The following SCN7A variants were observed in gnomAD, a reference collection of about 807,000 sequenced individuals.
SCN7A encodes sodium voltage-gated channel alpha subunit 7, also known as sodium channel protein type 7 subunit alpha.
Under a neutral mutation model 155.2 loss-of-function variants are expected in SCN7A, and 138 were observed. The observed-to-expected ratio is 0.89, with a 90% CI of 0.77 to 1.02. The LOEUF (loss-of-function observed/expected upper bound fraction) is 1.02. Ranked by LOEUF, SCN7A falls within the 50% of genes least tolerant of loss-of-function variation. SCN7A has a pLI of 0.00. For missense variants in SCN7A, 2,058 were observed against 1,986.6 expected (o/e 1.04, Z -0.68); for synonymous variants, 693 against 649.0 (o/e 1.07, Z -1.03).
At chr2:166,423,150 TAGAG>T in intron 19 of SCN7A, 105 bp downstream of exon 19, 1 of 1,057,872 alleles carries the variant, frequency 9.5e-7, no homozygotes, top group Non-Finnish European at 1.4e-6. Flanking sequence ...ACCAACAATG[TAGAG>T]AGAGAGGGAA....
At chr2:166,429,504 T>A (rs1240612164) in intron 16 of SCN7A, among the ~76,000 whole-genome samples, 1 of 152,056 alleles carries the variant, frequency 6.6e-6, no homozygotes, top group African/African-American at 2.4e-5. Flanking sequence ...AAAATAACAT[T>A]TAGATTAAAA....
At position 166,474,328 on chromosome 2, in the gene SCN7A, T is replaced by C. The variant is rs1372972139; in HGVS notation, c.251A>G (p.Asn84Ser). 2 of 1,485,310 alleles carry C rather than the reference T, an allele frequency of 1.3e-6. No homozygotes were observed. Among genetic ancestry groups the C allele is most frequent in the Non-Finnish European group, 1.8e-6 (2 of 1,096,980 alleles). The allele number at this position is 1,485,310 out of a possible 1,614,324, so 92.0% of individuals were successfully genotyped here. A position where few individuals can be genotyped will look rare whatever the true frequency, so the allele number is the denominator to read the frequency against. Residue 84 changes from asparagine (N) to serine (S), a missense_variant, in exon 4 of 26, where the codon AAT becomes AGT. Asn to Ser is a conservative substitution (Grantham distance 46, BLOSUM62 1). Transcript: ENST00000643258. ...GAATCTGAAGATTGTTCTATTTTTATTTAATACTATGAAAGTCTGTAAGAA... is the reference window on the plus strand; with the variant it reads ...GAATCTGAAGATTGTTCTATTTTTACTTAATACTATGAAAGTCTGTAAGAA... Reference protein sequence around the residue: ...YKKKNTFIVLNKNRTIFRFNA... With the variant: ...YKKKNTFIVLSKNRTIFRFNA...
Position 166,404,003 on chromosome 2 carries a change from G to A in SCN7A, c.*1577C>T, listed in dbSNP as rs1701012403. 6.6e-6 allele frequency: 1 copy of A among 151,702 alleles called. No individual in the cohort carries two copies. The highest frequency in any genetic ancestry group is 1.5e-5 in the Non-Finnish European group (1 of 67,894). The allele number at this position is 151,702 out of a possible 1,614,324, so 9.4% of individuals were successfully genotyped here. A position where few individuals can be genotyped will look rare whatever the true frequency, so the allele number is the denominator to read the frequency against. On this transcript the variant is annotated 3_prime_UTR_variant, in exon 26 of 26. Transcript: ENST00000643258. ...TAGGGCATCCCCTAAAGGCATCTTG[G>A]TTAGGTTATTCAATTTCTGAGGGGC...
chr2:166,446,391 G>T (rs1413093831), intron 12 of SCN7A, among the ~76,000 whole-genome samples: 1 of 152,160 alleles, frequency 6.6e-6, no homozygotes, highest in Non-Finnish European at 1.5e-5. Flanking sequence ...CAGGGATGTG[G>T]AGAAATAAGA....
At position 166,436,189 on chromosome 2, in the gene SCN7A, A is replaced by T. The variant is rs1012096075; in HGVS notation, c.2158-3437T>A. ...AATGGTTTGTCTTTGCTCCCATCCA[A>T]ATCTCATCTTGAATTGTAGTTCTCA... On this transcript the variant is annotated intron_variant, in intron 15 of 25. Transcript: ENST00000643258. 6.6e-5 allele frequency among the ~76,000 whole-genome samples: 10 copies of T among 152,224 alleles called. No individual in the cohort carries two copies. In the East Asian group the frequency reaches 7.7e-4, roughly 12 times the overall value.
intron 13 of SCN7A, 97 bp downstream of exon 13, chr2:166,444,665 G>A: frequency 7.1e-6 from 5 of 706,250 alleles, no homozygotes; most frequent in Non-Finnish European, 1.2e-5. Context: ...ACATATTGGA[G>A]TTACAGAATA....
chr2:166,443,111 A>G (rs991180595), intron 14 of SCN7A, among the ~76,000 whole-genome samples: 6 of 152,142 alleles, frequency 3.9e-5, no homozygotes, highest in Non-Finnish European at 7.4e-5. Context: ...TTATCATAAT[A>G]ACATTCTCCT....
intron 22 of SCN7A, 70 bp from the exon 23 acceptor site, chr2:166,412,737 C>A (rs1701229199): frequency 7.0e-7 from 1 of 1,428,720 alleles, no homozygotes; most frequent in Non-Finnish European, 9.1e-7. Context: ...CAATTTATGA[C>A]AAGAAAACAA....
intron 15 of SCN7A, among the ~76,000 whole-genome samples, chr2:166,437,510 C>G (rs1295295354): frequency 1.3e-5 from 2 of 152,158 alleles, no homozygotes; most frequent in Non-Finnish European, 2.9e-5. Flanking sequence ...CACTGGGGCA[C>G]TGCCTAGTGG....
intron 11 of SCN7A, among the ~76,000 whole-genome samples, chr2:166,450,360 C>G (rs1281860887): frequency 6.6e-6 from 1 of 152,094 alleles, no homozygotes; most frequent in African/African-American, 2.4e-5. Flanking sequence ...GAAGGACTGC[C>G]TATCGCTCAC....
rs998397470 is a variant in SCN7A at position 166,464,962 on chromosome 2, A to C, written c.941+500T>G. ...TTGGATGAATAGTATTCCACATTGC[A>C]TACTTCTGCTATGGTCTGAATGTTT... is the stretch of plus-strand genomic sequence containing the variant. On this transcript the variant is annotated intron_variant, in intron 9 of 25. Transcript: ENST00000643258. 3.3e-5 allele frequency among the ~76,000 whole-genome samples: 5 copies of C among 152,146 alleles called. No homozygotes were observed. The South Asian group carries it at 6.2e-4, about 19-fold the overall frequency.
At chr2:166,463,021 T>C (rs1702448889) in intron 9 of SCN7A, among the ~76,000 whole-genome samples, 3 of 152,108 alleles carry the variant, frequency 2.0e-5, no homozygotes, top group Admixed American at 2.0e-4. Context: ...AAAGGGGAAA[T>C]ATCTGAACAT....
At chr2:166,483,244 G>T (rs1262743264) in intron 2 of SCN7A, among the ~76,000 whole-genome samples, 1 of 152,004 alleles carries the variant, frequency 6.6e-6, no homozygotes, top group Non-Finnish European at 1.5e-5. Flanking sequence ...ATTTGAGTAT[G>T]AGCCAAAATT....
chr2:166,462,710 A>C (rs1702442038), intron 9 of SCN7A, among the ~76,000 whole-genome samples, 180 bp from the exon 10 acceptor site: 1 of 152,238 alleles, frequency 6.6e-6, no homozygotes, highest in African/African-American at 2.4e-5. Context: ...TTATAAGTTG[A>C]TACAGTGAAC....
At position 166,421,298 on chromosome 2, in the gene SCN7A, C is replaced by T. The variant is rs1222497573; in HGVS notation, c.3028-1G>A. ...TGCCTATTAAGCTAAGACAAAACACCTATATATTTTTTTTAAAAAAAGAGT... is the reference window on the plus strand; with the variant it reads ...TGCCTATTAAGCTAAGACAAAACACTTATATATTTTTTTTAAAAAAAGAGT... On this transcript the variant is annotated splice_acceptor_variant, in intron 19 of 25. Transcript: ENST00000643258. LOFTEE classifies it high-confidence loss of function. The T allele has an allele frequency of 6.8e-7, 1 of 1,461,314 alleles. No homozygotes were observed. Among genetic ancestry groups the T allele is most frequent in the Non-Finnish European group, 9.1e-7 (1 of 1,100,774 alleles). 90.5% of individuals were successfully genotyped at this position (1,461,314 alleles called of 1,614,324 possible). A position where few individuals can be genotyped will look rare whatever the true frequency, so the allele number is the denominator to read the frequency against.
chr2:166,475,080 G>GTATATATATATATATGTATATATGTATA (rs201255081), intron 3 of SCN7A, among the ~76,000 whole-genome samples: 1 of 85,884 alleles, frequency 1.2e-5, no homozygotes, highest in Non-Finnish European at 2.8e-5. Flanking sequence ...TTATATTTGT[G>GTATATATATATATATGTATATATGTATA]TATATATATA....
At chr2:166,477,320 A>G in intron 3 of SCN7A, 143 bp downstream of exon 3, 1 of 641,864 alleles carries the variant, frequency 1.6e-6, no homozygotes, top group East Asian at 2.9e-5. Flanking sequence ...AAAATGAGAT[A>G]TCTTATGTCG....
chr2:166,489,065 A>C (rs1683015591), intron 1 of SCN7A, among the ~76,000 whole-genome samples: 1 of 152,210 alleles, frequency 6.6e-6, no homozygotes, highest in Non-Finnish European at 1.5e-5. Flanking sequence ...TTTAATTCCA[A>C]AGAGTAGAAA....
At chr2:166,438,993 A>G (rs920056210) in intron 15 of SCN7A, among the ~76,000 whole-genome samples, 4 of 147,208 alleles carry the variant, frequency 2.7e-5, no homozygotes, top group African/African-American at 9.9e-5. Context: ...ATATATTTAT[A>G]TGTTATATCA....
Sources: gnomAD v4.1 joint callset for allele counts (sites outside exome capture counted in the v4.1 genomes callset) on GRCh38, gnomAD v4.1.1 for gene constraint, MANE v1.5 for transcripts, NCBI Gene and HGNC (gene_info 2026-07-23, HGNC 2026-07-21) for gene names.